The following GATAD2B variants were observed in gnomAD, a reference collection of about 807,000 sequenced individuals.
The protein encoded by GATAD2B is transcriptional repressor p66-beta.
A neutral mutation model predicts 64.3 loss-of-function variants in GATAD2B; 8 were observed. That is an observed-to-expected ratio of 0.12 (90% CI 0.07 to 0.22). GATAD2B has a LOEUF of 0.22. Ranked by LOEUF, GATAD2B falls within the 10% of genes least tolerant of loss-of-function variation. The pLI is 1.00. For missense variants in GATAD2B, 453 were observed against 752.0 expected, an observed-to-expected ratio of 0.60 and a Z score of 4.65; for synonymous variants, 281 against 271.3, an observed-to-expected ratio of 1.04 and a Z score of -0.35.
chr1:153,886,056 T>C (rs1343677047), intron 1 of GATAD2B, among the ~76,000 whole-genome samples: 2 of 152,148 alleles, frequency 1.3e-5, no homozygotes, highest in African/African-American at 2.4e-5. Context: ...ACAAAAGAAA[T>C]GTAAACTTCA....
At chr1:153,920,819 A>T (rs1017447640) in intron 1 of GATAD2B, among the ~76,000 whole-genome samples, 9 of 152,192 alleles carry the variant, frequency 5.9e-5, no homozygotes, top group Non-Finnish European at 1.0e-4. Flanking sequence ...TTGTTCCATG[A>T]TGACTATCAC....
At chr1:153,892,591 A>G (rs941657864) in intron 1 of GATAD2B, among the ~76,000 whole-genome samples, 2 of 152,164 alleles carry the variant, frequency 1.3e-5, no homozygotes, top group Admixed American at 6.6e-5. Context: ...GCCAATGTGA[A>G]ATTCTGGACA....
At chr1:153,873,178 G>C (rs1445133667) in intron 1 of GATAD2B, among the ~76,000 whole-genome samples, 1 of 152,098 alleles carries the variant, frequency 6.6e-6, no homozygotes, top group African/African-American at 2.4e-5. Context: ...TCCATGAAAG[G>C]AGTCTATTCT....
chr1:153,819,791 A>T (rs940103672), intron 2 of GATAD2B, 56 bp from the exon 3 acceptor site: 3 of 1,513,732 alleles, frequency 2.0e-6, no homozygotes, highest in Non-Finnish European at 2.7e-6. Context: ...GAAAACTTCT[A>T]TGCTGAATTA....
In GATAD2B at chr1:153,808,007, T is replaced by A. The variant is rs187816167; in HGVS notation, c.*2170A>T. Reference sequence around the variant, plus strand: ...GAGAGAAAAGCAAAACCAAACAATTTATCCAGTGCTTTCAAAGCACAGAGG... The same window carrying A: ...GAGAGAAAAGCAAAACCAAACAATTAATCCAGTGCTTTCAAAGCACAGAGG... On this transcript the variant is annotated 3_prime_UTR_variant, in exon 11 of 11. Transcript: ENST00000368655. 2 of 152,504 alleles carry A rather than the reference T, an allele frequency of 1.3e-5. No homozygotes were observed. The highest frequency in any genetic ancestry group is 3.9e-4 in the East Asian group (2 of 5,192). The allele number at this position is 152,504 out of a possible 1,614,324, so 9.4% of individuals were successfully genotyped here. A position where few individuals can be genotyped will look rare whatever the true frequency, so the allele number is the denominator to read the frequency against.
At chr1:153,818,464 G>A (rs1201764567) in intron 4 of GATAD2B, among the ~76,000 whole-genome samples, 19 of 151,796 alleles carry the variant, frequency 1.3e-4, no homozygotes, top group African/African-American at 3.4e-4. Flanking sequence ...ACAGGCGCCC[G>A]CCACCATGAC....
At chr1:153,838,640 A>G (rs964384276) in intron 1 of GATAD2B, among the ~76,000 whole-genome samples, 1 of 152,144 alleles carries the variant, frequency 6.6e-6, no homozygotes, top group Non-Finnish European at 1.5e-5. Context: ...AGCTGGAACT[A>G]CAGATGCGAG....
intron 1 of GATAD2B, among the ~76,000 whole-genome samples, chr1:153,883,710 TTTTTC>T: frequency 1.3e-5 from 2 of 152,270 alleles, no homozygotes; most frequent in African/African-American, 4.8e-5. Context: ...GTCTTTTTTT[TTTTTC>T]TTTTTTATCA....
chr1:153,848,900 C>G (rs530926487), intron 1 of GATAD2B, among the ~76,000 whole-genome samples: 1 of 152,256 alleles, frequency 6.6e-6, no homozygotes, highest in South Asian at 2.1e-4. Flanking sequence ...TTGCAGTGAG[C>G]CAATATCGCG....
At chr1:153,812,157 G>A in intron 8 of GATAD2B, 25 bp from the exon 9 acceptor site, 1 of 1,232,232 alleles carries the variant, frequency 8.1e-7, no homozygotes, top group Non-Finnish European at 1.2e-6. Context: ...CACATCAGGT[G>A]ATTGAGCAGG....
At chr1:153,859,752 C>T (rs537763437) in intron 1 of GATAD2B, among the ~76,000 whole-genome samples, 1 of 151,268 alleles carries the variant, frequency 6.6e-6, no homozygotes, top group East Asian at 1.9e-4. Flanking sequence ...TTGTATAGAA[C>T]ATGTCCCAGT....
rs58874063 is a variant in GATAD2B at position 153,815,081 on chromosome 1, C to CAAAAAAAAAAA, written c.1216+1181_1216+1191dup. 5.5e-4 allele frequency among the ~76,000 whole-genome samples: 14 copies of CAAAAAAAAAAA among 25,380 alleles called. 1 individual carries two copies. The highest frequency in any genetic ancestry group is 1.2e-3 in the East Asian group (1 of 802). The allele number at this position is 25,380 out of a possible 152,430, so 16.7% of individuals were successfully genotyped here. ...TGGGTGACAGAGTAAGACTCTGTCT[C>CAAAAAAAAAAA]AAAAAAAAAAAAAAAAAAAAAAAAA... On this transcript the variant is annotated intron_variant, in intron 7 of 10. Transcript: ENST00000368655.
intron 1 of GATAD2B, among the ~76,000 whole-genome samples, chr1:153,849,978 G>T (rs953837145): frequency 1.2e-4 from 18 of 152,140 alleles, no homozygotes; most frequent in Admixed American, 5.2e-4. Flanking sequence ...TATAGTCAAT[G>T]AACTGGAGAT....
chr1:153,894,918 G>C (rs377470660), intron 1 of GATAD2B, among the ~76,000 whole-genome samples: 2 of 152,126 alleles, frequency 1.3e-5, no homozygotes, highest in Non-Finnish European at 1.5e-5. Flanking sequence ...CAGCACTTTG[G>C]GGGGCCAAGG....
At chr1:153,863,916 C>G (rs142874503) in intron 1 of GATAD2B, among the ~76,000 whole-genome samples, 1 of 152,114 alleles carries the variant, frequency 6.6e-6, no homozygotes, top group African/African-American at 2.4e-5. Flanking sequence ...TGAGCCACCA[C>G]GCCCGGCCTA....
chr1:153,841,550 G>C (rs777270451), intron 1 of GATAD2B, among the ~76,000 whole-genome samples: 12 of 152,310 alleles, frequency 7.9e-5, no homozygotes, highest in Non-Finnish European at 1.6e-4. Context: ...GAATCATAGA[G>C]TATGTAACTT....
At chr1:153,882,264 C>A (rs1677032517) in intron 1 of GATAD2B, among the ~76,000 whole-genome samples, 1 of 152,090 alleles carries the variant, frequency 6.6e-6, no homozygotes, top group Non-Finnish European at 1.5e-5. Flanking sequence ...CCAAAGCCAA[C>A]ATCCAAGATA....
chr1:153,898,746 C>A (rs1283796132), intron 1 of GATAD2B: 3 of 152,142 alleles, frequency 2.0e-5, no homozygotes, highest in African/African-American at 4.8e-5. Flanking sequence ...AAAATAATCA[C>A]CTTCACTGTA....
At chr1:153,845,639 G>C (rs1476057343) in intron 1 of GATAD2B, among the ~76,000 whole-genome samples, 1 of 147,394 alleles carries the variant, frequency 6.8e-6, no homozygotes, top group African/African-American at 2.5e-5. Flanking sequence ...CAGCTACTTT[G>C]GCGGGGGGCT....
Sources: allele counts gnomAD v4.1 joint callset (sites outside exome capture counted in the v4.1 genomes callset), GRCh38; gene constraint gnomAD v4.1.1; transcripts MANE v1.5; gene names NCBI Gene and HGNC (gene_info 2026-07-23, HGNC 2026-07-21).